Variants in MYT1L observed in about 807,000 individuals in gnomAD.
The protein encoded by MYT1L is myelin transcription factor 1-like protein.
Under a neutral mutation model 126.7 loss-of-function variants are expected in MYT1L, and 12 were observed. The ratio of observed to expected loss-of-function variants is 0.09; its 90% CI spans 0.06 to 0.15. The LOEUF is 0.15. Ranked by LOEUF, MYT1L falls within the 10% of genes least tolerant of loss-of-function variation. The pLI is 1.00. For missense variants in MYT1L, 979 were observed against 1,585.2 expected (o/e 0.62, Z 6.49); for synonymous variants, 541 against 604.2 (o/e 0.90, Z 1.53).
Position 1,789,593 on chromosome 2 carries a change from A to T in MYT1L, c.*2274T>A, listed in dbSNP as rs1334156117. The T allele has an allele frequency of 6.6e-6, 1 of 152,230 alleles. No individual in the cohort carries two copies. The highest frequency in any genetic ancestry group is 1.5e-5 in the Non-Finnish European group (1 of 68,044). The allele number at this position is 152,230 out of a possible 1,614,324, so 9.4% of individuals were successfully genotyped here. A position where few individuals can be genotyped will look rare whatever the true frequency, so the allele number is the denominator to read the frequency against. On this transcript the variant is annotated 3_prime_UTR_variant, in exon 25 of 25. Coordinates refer to ENST00000647738, the MANE Select transcript of MYT1L (RefSeq NM_001303052.2). ...TTGTACATAGGTGATAACAATAAGA[A>T]TCCAAAACTGATACTATCTAGTACT...
At chr2:1,863,949 A>G (rs926240565) in intron 18 of MYT1L, among the ~76,000 whole-genome samples, 1 of 152,182 alleles carries the variant, frequency 6.6e-6, no homozygotes, top group Non-Finnish European at 1.5e-5. Context: ...TGGGTGGTGG[A>G]GCTCACCCTC....
chr2:1,820,312 T>A (rs1248359580), intron 21 of MYT1L, among the ~76,000 whole-genome samples: 1 of 152,234 alleles, frequency 6.6e-6, no homozygotes, highest in Admixed American at 6.5e-5. Flanking sequence ...ATCTCTTAGC[T>A]TCCTTTTCTT....
intron 3 of MYT1L, among the ~76,000 whole-genome samples, chr2:2,085,816 A>AC (rs1230483157): frequency 1.3e-5 from 2 of 152,034 alleles, no homozygotes; most frequent in Non-Finnish European, 2.9e-5. Context: ...ACCCACACGC[A>AC]CCTCTCTCTG....
intron 4 of MYT1L, among the ~76,000 whole-genome samples, chr2:2,009,016 C>T (rs889862891): frequency 6.6e-6 from 1 of 152,060 alleles, no homozygotes; most frequent in Admixed American, 6.5e-5. Context: ...TATTTGGGGG[C>T]TCTTTGTTCT....
In MYT1L at chr2:1,792,305, G is replaced by A. The variant is rs1315436002; in HGVS notation, c.3420+16C>T. 4.4e-6 allele frequency: 7 copies of A among 1,590,984 alleles called. No homozygotes were observed. Among genetic ancestry groups the A allele is most frequent in the Admixed American group, 1.8e-5 (1 of 56,790 alleles). On this transcript the variant is annotated intron_variant, in intron 24 of 24. Coordinates refer to ENST00000647738, the MANE Select transcript of MYT1L (RefSeq NM_001303052.2). ...GGAGGACTCCACATTCCTGCCTTGC[G>A]TGCTCAGTCACTTACCATGTGCGGC...
chr2:2,284,124 T>C (rs2095485049), intron 2 of MYT1L, among the ~76,000 whole-genome samples: 1 of 152,202 alleles, frequency 6.6e-6, no homozygotes, highest in Non-Finnish European at 1.5e-5. Context: ...CTTGGTTCAG[T>C]TCATTTATGA....
At chr2:2,126,715 A>G (rs1018002790) in intron 3 of MYT1L, among the ~76,000 whole-genome samples, 1 of 152,176 alleles carries the variant, frequency 6.6e-6, no homozygotes, top group Non-Finnish European at 1.5e-5. Flanking sequence ...TCTGGGAGGC[A>G]AGGGCTGGGC....
chr2:2,320,275 AGT>A (rs1423192121), intron 1 of MYT1L, among the ~76,000 whole-genome samples: 1 of 151,968 alleles, frequency 6.6e-6, no homozygotes, highest in Non-Finnish European at 1.5e-5. Flanking sequence ...TGGTGTTGGC[AGT>A]GTGTCAAGCC....
rs551635070 is a variant in MYT1L, at chr2:2,069,745, C to CT, written c.-303-15623dup. 3.0e-3 allele frequency among the ~76,000 whole-genome samples: 463 copies of CT among 152,020 alleles called. 3 individuals are homozygous for CT. Among genetic ancestry groups the CT allele is most frequent in the Non-Finnish European group, 5.6e-3 (379 of 67,990 alleles). On this transcript the variant is annotated intron_variant, in intron 3 of 24. Coordinates refer to ENST00000647738, the MANE Select transcript of MYT1L (RefSeq NM_001303052.2). ...CTCTCCAGTACCTGTTATTTCCTGA[C>CT]TTTTAAATGATCGCCATTCTAACTG...
chr2:2,012,337 A>G (rs1311880772), intron 4 of MYT1L, among the ~76,000 whole-genome samples: 1 of 152,244 alleles, frequency 6.6e-6, no homozygotes, highest in Non-Finnish European at 1.5e-5. Context: ...GGTTTAACAC[A>G]TTATGCTAAG....
chr2:1,920,786 G>A (rs991040755), intron 10 of MYT1L, among the ~76,000 whole-genome samples: 1 of 152,176 alleles, frequency 6.6e-6, no homozygotes, highest in Non-Finnish European at 1.5e-5. Flanking sequence ...GCTATGTTCC[G>A]TAGTCTTTAA....
chr2:2,055,293 CCTT>C (rs1191880731), intron 3 of MYT1L, among the ~76,000 whole-genome samples: 7 of 152,100 alleles, frequency 4.6e-5, no homozygotes, highest in African/African-American at 1.7e-4. Flanking sequence ...GTATTTTTGT[CCTT>C]CTCAGTTCAA....
chr2:2,042,168 G>T (rs932951605), intron 4 of MYT1L, among the ~76,000 whole-genome samples: 4 of 152,192 alleles, frequency 2.6e-5, no homozygotes, highest in Non-Finnish European at 4.4e-5. Context: ...CTCTAAGATG[G>T]ACTCTGTCTC....
In MYT1L at chr2:1,979,821, G is replaced by A; in HGVS notation, c.1-44C>T. On this transcript the variant is annotated intron_variant, in intron 5 of 24. Transcript: ENST00000647738. The surrounding 1 kb of genome is among the most constrained non-coding windows in gnomAD (Gnocchi z 4.0). ...CCATCAATGTGCTTATCCTGCCTGT[G>A]CAGGCCAGCCCTGCAGGGGCGGCTC... 1.2e-6 allele frequency: 2 copies of A among 1,607,014 alleles called. No homozygotes were observed. Among genetic ancestry groups the A allele is most frequent in the Non-Finnish European group, 1.7e-6 (2 of 1,174,366 alleles).
chr2:1,941,323 C>T (rs963332929), intron 9 of MYT1L, among the ~76,000 whole-genome samples: 6 of 152,158 alleles, frequency 3.9e-5, no homozygotes, highest in Admixed American at 6.5e-5. Flanking sequence ...CGGGTGAGAA[C>T]GTGAAAGAGC....
chr2:2,242,459 C>T (rs2094457922), intron 2 of MYT1L, among the ~76,000 whole-genome samples: 1 of 152,188 alleles, frequency 6.6e-6, no homozygotes, highest in African/African-American at 2.4e-5. Flanking sequence ...TGCCCTGAGT[C>T]TTTTCTCCTT....
intron 23 of MYT1L, among the ~76,000 whole-genome samples, chr2:1,795,888 C>G (rs1179239569): frequency 2.0e-5 from 3 of 152,220 alleles, no homozygotes; most frequent in African/African-American, 7.2e-5. Flanking sequence ...GACTTGTCCA[C>G]ACCCTCTGTC....
chr2:2,229,455 G>A (rs75800742), intron 2 of MYT1L, among the ~76,000 whole-genome samples: 3 of 147,974 alleles, frequency 2.0e-5, no homozygotes, highest in Non-Finnish European at 4.5e-5. Context: ...TTTTTTTTTT[G>A]TGTGTGGATA....
chr2:2,218,840 G>A (rs2093769180), intron 2 of MYT1L, among the ~76,000 whole-genome samples: 1 of 152,212 alleles, frequency 6.6e-6, no homozygotes, highest in South Asian at 2.1e-4. Context: ...GAAAGAAGCA[G>A]GAGTCTAAGG....
Sources: gnomAD v4.1 joint callset for allele counts (sites outside exome capture counted in the v4.1 genomes callset) on GRCh38, gnomAD v4.1.1 for gene constraint, Gnocchi (gnomAD v3.1) non-coding constraint, MANE v1.5 for transcripts, NCBI Gene and HGNC (gene_info 2026-07-23, HGNC 2026-07-21) for gene names.